The following TP53TG5 variants were observed in gnomAD, a reference collection of about 807,000 sequenced individuals.
The protein encoded by TP53TG5 is TP53 target 5.
Under a neutral mutation model 30.0 loss-of-function variants are expected in TP53TG5, and 17 were observed. The ratio of observed to expected loss-of-function variants is 0.57; its 90% CI spans 0.39 to 0.85. TP53TG5 has a LOEUF of 0.85. TP53TG5 is among the 40% of genes least tolerant of loss of function. The pLI is 0.00. For synonymous variants in TP53TG5, 137 were observed against 139.2 expected, an observed-to-expected ratio of 0.98 and a Z score of 0.11; for missense variants, 338 against 367.9, an observed-to-expected ratio of 0.92 and a Z score of 0.67.
rs778409348 is a variant in TP53TG5, at chr20:45,377,593, C to T, written c.69G>A (p.Arg23=). The change falls in exon 2 of 5, where the codon CGG becomes CGA. Residue 23 remains arginine (R), a synonymous_variant. Coordinates refer to ENST00000372726, the MANE Select transcript of TP53TG5 (RefSeq NM_014477.3). ...TGCTCACAGGCTGCTCTGTCTCGTC[C>T]CGCAGTTTCTCATCTTGCATCTGAG... ...RVSKMQDEKL[R]DETEQPVSKV... is the part of the protein sequence containing the mutation. 3 of 1,614,032 alleles carry T rather than the reference C, an allele frequency of 1.9e-6. No homozygotes were observed. The highest frequency in any genetic ancestry group is 1.7e-4 in the Middle Eastern group (1 of 6,058).
At position 45,373,689 on chromosome 20, in the gene TP53TG5, C is replaced by T. The variant is rs1988625857; in HGVS notation, c.*218G>A. 9 of 575,318 alleles carry T rather than the reference C, an allele frequency of 1.6e-5. No individual in the cohort carries two copies. Among genetic ancestry groups the T allele is most frequent in the Non-Finnish European group, 2.8e-5 (9 of 321,780 alleles). The allele number at this position is 575,318 out of a possible 1,614,324, so 35.6% of individuals were successfully genotyped here. A position where few individuals can be genotyped will look rare whatever the true frequency, so the allele number is the denominator to read the frequency against. On this transcript the variant is annotated 3_prime_UTR_variant, in exon 5 of 5. Transcript: ENST00000372726. ...ACGAGCGCCCTGACTTCACAGAGCG[C>T]GCCACTCAGGAGACTAGCTCGCGGA... is the stretch of plus-strand genomic sequence containing the variant.
chr20:45,373,879 A>T lies in TP53TG5; in HGVS notation c.*28T>A, dbSNP rs752541157. ...CAGACAAACAGGCAGAGTAAGCAGT[A>T]TTCGTCTTAGGTGCCATATGGAAGA... is the stretch of plus-strand genomic sequence containing the variant. On this transcript the variant is annotated 3_prime_UTR_variant, in exon 5 of 5. Coordinates refer to ENST00000372726, the MANE Select transcript of TP53TG5 (RefSeq NM_014477.3). 3.1e-6 allele frequency: 5 copies of T among 1,592,872 alleles called. No homozygotes were observed. In the East Asian group the frequency reaches 1.1e-4, roughly 36 times the overall value.
At chr20:45,377,740 T>A in intron 1 of TP53TG5, 127 bp from the exon 2 acceptor site, 1 of 802,094 alleles carries the variant, frequency 1.2e-6, no homozygotes, top group South Asian at 1.5e-5. Flanking sequence ...GAGTTTGAGA[T>A]GCCTGGCCAA....
At chr20:45,377,391 C>G (rs1221703222) in intron 2 of TP53TG5, 49 bp from the exon 3 acceptor site, 1 of 1,612,308 alleles carries the variant, frequency 6.2e-7, no homozygotes, top group South Asian at 1.1e-5. Flanking sequence ...CTTTCCTGGA[C>G]AGCCTCCCTC....
chr20:45,374,407 T>C (rs2145365805), intron 4 of TP53TG5: 1 of 603,078 alleles, frequency 1.7e-6, no homozygotes, highest in South Asian at 2.1e-5. Flanking sequence ...GAGTAGCTGA[T>C]ACTACAAGCG....
chr20:45,374,255 G>C (rs1380292068), intron 4 of TP53TG5: 1 of 695,784 alleles, frequency 1.4e-6, no homozygotes, highest in South Asian at 1.5e-5. Flanking sequence ...GGAACTTTCT[G>C]CTCAGAGTAA....
rs1374401626 is a variant in TP53TG5 at position 45,374,030 on chromosome 20, G to A, written c.769-19C>T. ...CATCAACCTGCCAGCAGAAACCTCGGTGTTAGGCGCTAAGACTGTCCCCAG... is the reference window on the plus strand; with the variant it reads ...CATCAACCTGCCAGCAGAAACCTCGATGTTAGGCGCTAAGACTGTCCCCAG... On this transcript the variant is annotated intron_variant, in intron 4 of 4. Transcript: ENST00000372726. 5 of 1,612,852 alleles carry A rather than the reference G, an allele frequency of 3.1e-6. No individual in the cohort carries two copies. The highest frequency in any genetic ancestry group is 1.7e-5 in the Admixed American group (1 of 60,026).
Position 45,378,270 on chromosome 20 carries a change from C to T in TP53TG5, c.-34G>A, listed in dbSNP as rs756454428. Reference sequence around the variant, plus strand: ...TGTGAGACCTCAGAGATGAATGGAGCAACACCAGTGCCAGGCACCAACCCT... The same window carrying T: ...TGTGAGACCTCAGAGATGAATGGAGTAACACCAGTGCCAGGCACCAACCCT... On this transcript the variant is annotated 5_prime_UTR_variant, in exon 1 of 5. Coordinates refer to ENST00000372726, the MANE Select transcript of TP53TG5 (RefSeq NM_014477.3). The T allele has an allele frequency of 3.7e-6, 6 of 1,613,748 alleles. No individual in the cohort carries two copies. In the Middle Eastern group the frequency reaches 6.6e-4, roughly 178 times the overall value.
Position 45,374,100 on chromosome 20 carries a change from G to A in TP53TG5, c.769-89C>T, listed in dbSNP as rs1018321961. 4 of 1,230,438 alleles carry A rather than the reference G, an allele frequency of 3.3e-6. No homozygotes were observed. In the East Asian group the frequency reaches 9.3e-5, roughly 29 times the overall value. The allele number at this position is 1,230,438 out of a possible 1,614,324, so 76.2% of individuals were successfully genotyped here. ...GAGCGGGCGCAGGGACAAGGGTGCT[G>A]TGGTGTCTGGTAGGTTGGAAATGCC... On this transcript the variant is annotated intron_variant, in intron 4 of 4. Transcript: ENST00000372726.
chr20:45,374,718 G>T, intron 4 of TP53TG5: 1 of 445,334 alleles, frequency 2.2e-6, no homozygotes, highest in South Asian at 4.2e-5. Context: ...CACTTATGTA[G>T]GCCTCTGACT....
intron 4 of TP53TG5, 42 bp downstream of exon 4, chr20:45,374,997 C>A (rs1988679928): frequency 4.4e-6 from 7 of 1,582,456 alleles, no homozygotes; most frequent in South Asian, 1.2e-5. Flanking sequence ...TGGCTTGGGG[C>A]TTGCATCTCA....
chr20:45,374,908 G>A, intron 4 of TP53TG5, 131 bp downstream of exon 4: 2 of 1,285,794 alleles, frequency 1.6e-6, no homozygotes, highest in South Asian at 2.9e-5. Context: ...CATGAAGGCG[G>A]AGCCTCCCAG....
At chr20:45,374,100 G>T (rs1018321961) in intron 4 of TP53TG5, 89 bp from the exon 5 acceptor site, 88 of 1,230,316 alleles carry the variant, frequency 7.2e-5, no homozygotes, top group Non-Finnish European at 1.7e-5. Context: ...CAAGGGTGCT[G>T]TGGTGTCTGG....
In TP53TG5 at chr20:45,377,678, C is replaced by G; in HGVS notation, c.49-65G>C. On this transcript the variant is annotated intron_variant, in intron 1 of 4. Coordinates refer to ENST00000372726, the MANE Select transcript of TP53TG5 (RefSeq NM_014477.3). Reference sequence around the variant, plus strand: ...ATCAGCCAGGTGTGGTGCCTCATGTCTGTAATCCCAGCACTTTGGGAGGCC... The same window carrying G: ...ATCAGCCAGGTGTGGTGCCTCATGTGTGTAATCCCAGCACTTTGGGAGGCC... 2.0e-6 allele frequency: 3 copies of G among 1,527,978 alleles called. No individual in the cohort carries two copies. The East Asian group carries it at 6.8e-5, about 34-fold the overall frequency. 94.7% of individuals were successfully genotyped at this position (1,527,978 alleles called of 1,614,324 possible). A position where few individuals can be genotyped will look rare whatever the true frequency, so the allele number is the denominator to read the frequency against.
Position 45,375,623 on chromosome 20 carries a change from G to A in TP53TG5, c.255-71C>T, listed in dbSNP as rs1265692422. The A allele has an allele frequency of 4.6e-6, 7 of 1,529,300 alleles. No individual in the cohort carries two copies. The East Asian group carries it at 1.3e-4, about 29-fold the overall frequency. The allele number at this position is 1,529,300 out of a possible 1,614,324, so 94.7% of individuals were successfully genotyped here. On this transcript the variant is annotated intron_variant, in intron 3 of 4. Coordinates refer to ENST00000372726, the MANE Select transcript of TP53TG5 (RefSeq NM_014477.3). ...TGGTTCCCGAGACAGTTGCTATGTA[G>A]CCAGCTCAGGGGAGCCTGTTAAGAA...
At position 45,378,269 on chromosome 20, in the gene TP53TG5, G is replaced by C. The variant is rs1158931671; in HGVS notation, c.-33C>G. 9 of 1,613,804 alleles carry C rather than the reference G, an allele frequency of 5.6e-6. No individual in the cohort carries two copies. The highest frequency in any genetic ancestry group is 6.8e-6 in the Non-Finnish European group (8 of 1,179,908). On this transcript the variant is annotated 5_prime_UTR_variant, in exon 1 of 5. Transcript: ENST00000372726. ...CTGTGAGACCTCAGAGATGAATGGA[G>C]CAACACCAGTGCCAGGCACCAACCC...
In TP53TG5 at chr20:45,372,687, A is replaced by G. The variant is rs906771008; in HGVS notation, c.*1220T>C. 3 of 152,252 alleles carry G rather than the reference A, an allele frequency of 2.0e-5. No individual in the cohort carries two copies. Among genetic ancestry groups the G allele is most frequent in the African/African-American group, 7.2e-5 (3 of 41,430 alleles). 9.4% of individuals were successfully genotyped at this position (152,252 alleles called of 1,614,324 possible). Reference sequence around the variant, plus strand: ...TGCAAGCTGGGTGGGAAGACCGCTGAAAGTGGTTACTGGGGTGGAATTTGC... The same window carrying G: ...TGCAAGCTGGGTGGGAAGACCGCTGGAAGTGGTTACTGGGGTGGAATTTGC... On this transcript the variant is annotated 3_prime_UTR_variant, in exon 5 of 5. Transcript: ENST00000372726.
chr20:45,375,860 A>T, intron 3 of TP53TG5: 1 of 322,074 alleles, frequency 3.1e-6, no homozygotes. Context: ...GAGGGTGAAC[A>T]GTCCAGTAGT....
chr20:45,378,229 G>A lies in TP53TG5; in HGVS notation c.8C>T (p.Pro3Leu). 6.2e-7 allele frequency: 1 copy of A among 1,614,114 alleles called. No homozygotes were observed. The highest frequency in any genetic ancestry group is 8.5e-7 in the Non-Finnish European group (1 of 1,179,978). The stretch of plus-strand genomic sequence containing the variant: ...GTTCTTGGGCCTCTTCTTTGCTGAT[G>A]GACTCATGCTGGGGCTGTGAGACCT... MS[P>L]SAKKRPKNSR... is the part of the protein sequence containing the mutation. Residue 3 changes from proline to leucine, a missense_variant, in exon 1 of 5, where the codon CCA becomes CTA. Transcript: ENST00000372726.
Sources: allele counts gnomAD v4.1 joint callset, GRCh38; gene constraint gnomAD v4.1.1; transcripts MANE v1.5; gene names NCBI Gene and HGNC (gene_info 2026-07-23, HGNC 2026-07-21).